The following MYH16 variants were observed in gnomAD, a reference collection of about 807,000 sequenced individuals.
The protein encoded by MYH16 is putative uncharacterized protein MYH16.
intron 1 of MYH16, among the ~76,000 whole-genome samples, chr7:99,242,381 C>T (rs890821481): frequency 2.0e-5 from 3 of 151,918 alleles, no homozygotes. Flanking sequence ...GTGGCTCACA[C>T]CTGTAACACT....
intron 2 of MYH16, among the ~76,000 whole-genome samples, chr7:99,244,014 C>T (rs550809738): frequency 4.0e-5 from 6 of 151,826 alleles, no homozygotes; most frequent in African/African-American, 7.2e-5. Context: ...AACATCTATC[C>T]GTCAATCTAT....
At chr7:99,282,426 T>C (rs1792211544) in intron 23 of MYH16, among the ~76,000 whole-genome samples, 1 of 152,116 alleles carries the variant, frequency 6.6e-6, no homozygotes, top group Non-Finnish European at 1.5e-5. Context: ...CTAGGGAAAA[T>C]ATAGGGTTAG....
rs1279104483 is a variant in MYH16, at chr7:99,248,690, T to A, written n.512-301T>A. Among the ~76,000 whole-genome samples, 4 of 152,324 alleles carry A rather than the reference T, an allele frequency of 2.6e-5. No homozygotes were observed. In the East Asian group the frequency reaches 7.7e-4, roughly 29 times the overall value. The stretch of plus-strand genomic sequence containing the variant: ...ATGAGTCATGCTGTCCAGCCCTCTG[T>A]GATTTTTGTCCTCATTTCTCTTTAT... On this transcript the variant is annotated intron_variant and non_coding_transcript_variant, in intron 3 of 41. Transcript: ENST00000439784.
At chr7:99,239,563 C>T (rs1230712452) in intron 1 of MYH16, among the ~76,000 whole-genome samples, 2 of 152,150 alleles carry the variant, frequency 1.3e-5, no homozygotes, top group Non-Finnish European at 2.9e-5. Context: ...CTTCCGATGG[C>T]TTTTAACGTG....
chr7:99,285,696 A>G (rs890829422), intron 27 of MYH16, among the ~76,000 whole-genome samples: 1 of 152,212 alleles, frequency 6.6e-6, no homozygotes, highest in African/African-American at 2.4e-5. Flanking sequence ...ACAGATGGGG[A>G]AGAAACACTT....
At chr7:99,287,836 A>C in intron 28 of MYH16, 56 bp from the exon 10 acceptor site, 1 of 432,834 alleles carries the variant, frequency 2.3e-6, no homozygotes, top group South Asian at 1.6e-5. Flanking sequence ...GGCGGTGTCC[A>C]CCCGGAAAAG....
intron 2 of MYH16, among the ~76,000 whole-genome samples, chr7:99,246,909 G>T (rs1436403743): frequency 6.6e-6 from 1 of 151,788 alleles, no homozygotes; most frequent in African/African-American, 2.4e-5. Flanking sequence ...CTTTACGATG[G>T]GGCAAAAGCA....
chr7:99,255,881 C>T (rs1346502662), intron 9 of MYH16, among the ~76,000 whole-genome samples: 1 of 152,158 alleles, frequency 6.6e-6, no homozygotes, highest in Non-Finnish European at 1.5e-5. Flanking sequence ...CCAAGTTTCT[C>T]TTTGCAGAGT....
At chr7:99,292,819 G>C (rs982814135) in intron 32 of MYH16, among the ~76,000 whole-genome samples, 1 of 152,074 alleles carries the variant, frequency 6.6e-6, no homozygotes, top group East Asian at 1.9e-4. Context: ...AATTAGCCAG[G>C]CATGGTGGCA....
chr7:99,275,031 G>GT (rs1792092989), intron 20 of MYH16, among the ~76,000 whole-genome samples: 2 of 151,930 alleles, frequency 1.3e-5, no homozygotes, highest in African/African-American at 4.8e-5. Flanking sequence ...GTCTCACTCT[G>GT]TTGCCCAGGC....
chr7:99,243,920 T>C (rs1220165886), intron 2 of MYH16, among the ~76,000 whole-genome samples: 1 of 151,440 alleles, frequency 6.6e-6, no homozygotes, highest in Admixed American at 6.6e-5. Flanking sequence ...CATCCATCCA[T>C]CCAAGTATCT....
chr7:99,244,946 G>A (rs994944187), intron 2 of MYH16, among the ~76,000 whole-genome samples: 2 of 152,192 alleles, frequency 1.3e-5, no homozygotes, highest in African/African-American at 4.8e-5. Flanking sequence ...GAGAGACCAG[G>A]GCAGGGAGTC....
chr7:99,301,050 C>A (rs1209908056), intron 37 of MYH16, among the ~76,000 whole-genome samples: 4 of 151,750 alleles, frequency 2.6e-5, no homozygotes, highest in African/African-American at 9.7e-5. Flanking sequence ...TAAAAATTAG[C>A]CAGGTGTGGT....
chr7:99,259,312 A>G (rs568866813), intron 11 of MYH16, among the ~76,000 whole-genome samples: 2 of 152,228 alleles, frequency 1.3e-5, no homozygotes, highest in Admixed American at 1.3e-4. Flanking sequence ...TATTTCTTCA[A>G]TGATTTCTGT....
At chr7:99,274,137 C>A (rs1792081371) in intron 20 of MYH16, among the ~76,000 whole-genome samples, 1 of 152,232 alleles carries the variant, frequency 6.6e-6, no homozygotes, top group Non-Finnish European at 1.5e-5. Context: ...CTCTCATTTC[C>A]TGTTCTTCCG....
At chr7:99,299,426 C>A (rs1792554808) in intron 36 of MYH16, 40 bp from the exon 18 acceptor site, 1 of 152,474 alleles carries the variant, frequency 6.6e-6, no homozygotes, top group Non-Finnish European at 1.5e-5. Flanking sequence ...ACTGAACAGC[C>A]AGCCCAGTAT....
intron 4 of MYH16, among the ~76,000 whole-genome samples, chr7:99,249,777 G>A (rs1791788125): frequency 2.6e-5 from 4 of 151,592 alleles, no homozygotes; most frequent in South Asian, 2.1e-4. Flanking sequence ...GGCTGGTCTC[G>A]AACTCCTGAC....
intron 1 of MYH16, among the ~76,000 whole-genome samples, chr7:99,242,157 G>A (rs528637457): frequency 2.4e-4 from 37 of 152,308 alleles, no homozygotes; most frequent in Admixed American, 9.2e-4. Context: ...CACTGCACCC[G>A]GCCTAGTTTT....
At chr7:99,295,836 GAA>G (rs869299904) in intron 33 of MYH16, among the ~76,000 whole-genome samples, 3 of 56,786 alleles carry the variant, frequency 5.3e-5, no homozygotes, top group African/African-American at 7.6e-5. Context: ...TCATCTCTTG[GAA>G]AAAAAAAAAA....
Sources: allele counts gnomAD v4.1 joint callset (sites outside exome capture counted in the v4.1 genomes callset), GRCh38; gene constraint gnomAD v4.1.1; transcripts MANE v1.5; gene names NCBI Gene and HGNC (gene_info 2026-07-23, HGNC 2026-07-21).